The following MYL9 variants were observed in gnomAD, a reference collection of about 807,000 sequenced individuals.
MYL9 encodes myosin light chain 9, also known as myosin regulatory light polypeptide 9.
A neutral mutation model predicts 12.8 loss-of-function variants in MYL9; 7 were observed. The ratio of observed to expected loss-of-function variants is 0.55; its 90% CI spans 0.31 to 1.03. The LOEUF is 1.03. Among genes scored for constraint, MYL9 ranks in the 50% least tolerant of loss-of-function variants. The probability of loss-of-function intolerance (pLI) is 0.05; values close to 1 mark genes in which losing one functional copy is unlikely to be tolerated. For synonymous variants in MYL9, 81 were observed against 87.8 expected, an observed-to-expected ratio of 0.92 and a Z score of 0.43; for missense variants, 190 against 242.7, an observed-to-expected ratio of 0.78 and a Z score of 1.44.
intron 3 of MYL9, 151 bp downstream of exon 3, chr20:36,548,344 C>A (rs542595716): frequency 1.7e-5 from 19 of 1,125,120 alleles, no homozygotes; most frequent in East Asian, 2.8e-5. Flanking sequence ...CTTATTGTCG[C>A]CGCAAAGGCT....
Position 36,541,577 on chromosome 20 carries a change from C to T in MYL9, c.-27+16C>T, listed in dbSNP as rs533754093. The T allele has an allele frequency of 1.4e-3, 219 of 152,892 alleles. 1 individual carries two copies. Among genetic ancestry groups the T allele is most frequent in the Non-Finnish European group, 2.8e-3 (192 of 68,480 alleles). 9.5% of individuals were successfully genotyped at this position (152,892 alleles called of 1,614,324 possible). A position where few individuals can be genotyped will look rare whatever the true frequency, so the allele number is the denominator to read the frequency against. On this transcript the variant is annotated intron_variant, in intron 1 of 3. Coordinates refer to ENST00000279022, the MANE Select transcript of MYL9 (RefSeq NM_006097.5). ...TCCGCACCAGGTGGGATCCGGGGCC[C>T]CGGGGGTCTTGAGGACAGGCCTAAC...
At chr20:36,544,576 G>A (rs1268690453) in intron 1 of MYL9, among the ~76,000 whole-genome samples, 12 of 152,216 alleles carry the variant, frequency 7.9e-5, no homozygotes, top group Admixed American at 2.6e-4. Flanking sequence ...GCCCGGCACT[G>A]TTCCAGGAGC....
At chr20:36,545,124 T>C in intron 2 of MYL9, 56 bp downstream of exon 2, 1 of 1,579,408 alleles carries the variant, frequency 6.3e-7, no homozygotes, top group Non-Finnish European at 8.6e-7. Flanking sequence ...GCTCTGCCAA[T>C]CATTTACAGG....
In MYL9 at chr20:36,550,902, ACT is replaced by A. The variant is rs1373350383; in HGVS notation, c.*1657_*1658del. Reference sequence around the variant, plus strand: ...CCAGCTACACACACGGCCCTGGGCAACTCTCAGTCTGGCCACCCATTCGATGC... The same window carrying A: ...CCAGCTACACACACGGCCCTGGGCAACTCAGTCTGGCCACCCATTCGATGC... On this transcript the variant is annotated 3_prime_UTR_variant, in exon 4 of 4. Coordinates refer to ENST00000279022, the MANE Select transcript of MYL9 (RefSeq NM_006097.5). 1 of 152,508 alleles carries A rather than the reference ACT, an allele frequency of 6.6e-6. No homozygotes were observed. The highest frequency in any genetic ancestry group is 1.5e-5 in the Non-Finnish European group (1 of 68,406). 9.4% of individuals were successfully genotyped at this position (152,508 alleles called of 1,614,324 possible).
At position 36,549,058 on chromosome 20, in the gene MYL9, A is replaced by C. The variant is rs1600749993; in HGVS notation, c.347-19A>C. 1 of 1,608,558 alleles carries C rather than the reference A, an allele frequency of 6.2e-7. No homozygotes were observed. Among genetic ancestry groups the C allele is most frequent in the African/African-American group, 1.3e-5 (1 of 74,516 alleles). ...TCAGCCCAAGTTCCTGCTCTCACCC[A>C]CCCTGCCCCTGCCCGCAGGTTTCAT... On this transcript the variant is annotated intron_variant, in intron 3 of 3. Coordinates refer to ENST00000279022, the MANE Select transcript of MYL9 (RefSeq NM_006097.5).
chr20:36,550,475 A>G lies in MYL9; in HGVS notation c.*1226A>G. On this transcript the variant is annotated 3_prime_UTR_variant, in exon 4 of 4. Transcript: ENST00000279022. ...GAGCAGAGAGTCCAGAGGGGCATGG[A>G]CTGCCTGGGTCACCCAATAGGCCTA... 1 of 152,456 alleles carries G rather than the reference A, an allele frequency of 6.6e-6. No homozygotes were observed. The highest frequency in any genetic ancestry group is 1.5e-5 in the Non-Finnish European group (1 of 68,202). 9.4% of individuals were successfully genotyped at this position (152,456 alleles called of 1,614,324 possible). A position where few individuals can be genotyped will look rare whatever the true frequency, so the allele number is the denominator to read the frequency against.
In MYL9 at chr20:36,544,993, G is replaced by C. The variant is rs1445082205; in HGVS notation, c.109G>C (p.Ala37Pro). 2 of 1,614,088 alleles carry C rather than the reference G, an allele frequency of 1.2e-6. No individual in the cohort carries two copies. Among genetic ancestry groups the C allele is most frequent in the Non-Finnish European group, 1.7e-6 (2 of 1,180,034 alleles). ...DQSQIQEFKE[A>P]FNMIDQNRDG... ...GTCCCAGATCCAGGAGTTTAAGGAG[G>C]CTTTCAACATGATTGACCAGAACCG... The change falls in exon 2 of 4, where the codon GCT becomes CCT. Residue 37 changes from alanine (A) to proline (P), a missense_variant. Physicochemically the swap from Ala to Pro is conservative, Grantham distance 27 (BLOSUM62 -1). Transcript: ENST00000279022.
intron 3 of MYL9, 78 bp downstream of exon 3, chr20:36,548,271 C>T: frequency 1.3e-6 from 2 of 1,492,932 alleles, no homozygotes; most frequent in Non-Finnish European, 9.0e-7. Flanking sequence ...CCCCTAAGGG[C>T]CAGAACAGAC....
At chr20:36,548,319 A>G in intron 3 of MYL9, 126 bp downstream of exon 3, 1 of 1,272,204 alleles carries the variant, frequency 7.9e-7, no homozygotes, top group Non-Finnish European at 1.0e-6. Flanking sequence ...AGAACTATAA[A>G]AGCCAGGCCA....
rs111997479 is a variant in MYL9 at position 36,548,029 on chromosome 20, C to T, written c.185-3C>T. 2 of 1,601,048 alleles carry T rather than the reference C, an allele frequency of 1.2e-6. No individual in the cohort carries two copies. Among genetic ancestry groups the T allele is most frequent in the African/African-American group, 2.7e-5 (2 of 74,636 alleles). ...ACAGGCTGGAACACCCCACCTGCCA[C>T]AGGGAAGAACCCCACAGACGAATAC... On this transcript the variant is annotated splice_region_variant and splice_polypyrimidine_tract_variant and intron_variant, in intron 2 of 3. Transcript: ENST00000279022.
intron 1 of MYL9, among the ~76,000 whole-genome samples, chr20:36,543,801 G>A (rs1418306494): frequency 1.3e-5 from 2 of 152,178 alleles, no homozygotes; most frequent in African/African-American, 4.8e-5. Flanking sequence ...CTAGGAGAGG[G>A]GGGCGGTCTC....
Position 36,549,298 on chromosome 20 carries a change from G to A in MYL9, c.*49G>A, listed in dbSNP as rs199743004. Reference sequence around the variant, plus strand: ...CAGCCCCCGCCAGTCACCCCTCCCCGCACACACCCGTCCATACCAGCTCCC... The same window carrying A: ...CAGCCCCCGCCAGTCACCCCTCCCCACACACACCCGTCCATACCAGCTCCC... On this transcript the variant is annotated 3_prime_UTR_variant, in exon 4 of 4. Transcript: ENST00000279022. 3.6e-5 allele frequency: 40 copies of A among 1,103,274 alleles called. No homozygotes were observed. In the African/African-American group the frequency reaches 9.4e-4, roughly 26 times the overall value. 68.3% of individuals were successfully genotyped at this position (1,103,274 alleles called of 1,614,324 possible). A position where few individuals can be genotyped will look rare whatever the true frequency, so the allele number is the denominator to read the frequency against.
intron 2 of MYL9, among the ~76,000 whole-genome samples, chr20:36,546,617 CTT>C (rs200082574): frequency 6.6e-6 from 1 of 151,404 alleles, no homozygotes; most frequent in African/African-American, 2.4e-5. Flanking sequence ...CTCCAGGGTT[CTT>C]TTTTTTTCCC....
intron 2 of MYL9, 70 bp from the exon 3 acceptor site, chr20:36,547,962 G>A: frequency 6.7e-7 from 1 of 1,498,808 alleles, no homozygotes; most frequent in Non-Finnish European, 8.9e-7. Flanking sequence ...GTGGGGGACG[G>A]GGGTGCAAGT....
At chr20:36,548,010 TG>T in intron 2 of MYL9, 21 bp from the exon 3 acceptor site, 1 of 1,589,972 alleles carries the variant, frequency 6.3e-7, no homozygotes, top group Non-Finnish European at 8.6e-7. Context: ...GACCACAGGC[TG>T]GAACACCCCA....
intron 1 of MYL9, among the ~76,000 whole-genome samples, chr20:36,542,781 G>A (rs572026762): frequency 2.6e-5 from 4 of 152,292 alleles, no homozygotes; most frequent in South Asian, 4.1e-4. Flanking sequence ...CCCTGCCTCC[G>A]CTCACCACTT....
At chr20:36,542,071 C>T (rs879663262) in intron 1 of MYL9, among the ~76,000 whole-genome samples, 2 of 152,086 alleles carry the variant, frequency 1.3e-5, no homozygotes, top group Non-Finnish European at 2.9e-5. Context: ...GGAAAGGGAC[C>T]GAGACCAGGG....
intron 1 of MYL9, among the ~76,000 whole-genome samples, chr20:36,543,131 G>A (rs994738148): frequency 6.6e-6 from 1 of 152,172 alleles, no homozygotes; most frequent in Non-Finnish European, 1.5e-5. Context: ...CGGCATCTGG[G>A]GACAATGGCA....
chr20:36,547,906 C>T, intron 2 of MYL9, 126 bp from the exon 3 acceptor site: 1 of 1,228,702 alleles, frequency 8.1e-7, no homozygotes, highest in Non-Finnish European at 1.1e-6. Context: ...TTCCAGTTCA[C>T]AAAACCCACT....
Sources: allele counts gnomAD v4.1 joint callset (sites outside exome capture counted in the v4.1 genomes callset), GRCh38; gene constraint gnomAD v4.1.1; transcripts MANE v1.5; gene names NCBI Gene and HGNC (gene_info 2026-07-23, HGNC 2026-07-21).